The following ZNF385D variants were observed in gnomAD, a reference collection of about 807,000 sequenced individuals.
ZNF385D encodes zinc finger protein 385D, also known as zinc finger protein 659.
In ZNF385D, 15 loss-of-function variants were observed where a neutral mutation model predicts 35.8. The observed-to-expected ratio is 0.42, with a 90% CI of 0.28 to 0.64. The LOEUF is 0.64. ZNF385D is among the 30% of genes least tolerant of loss of function. The pLI is 0.23. For missense variants in ZNF385D, 474 were observed against 494.6 expected (o/e 0.96, Z 0.39); for synonymous variants, 212 against 186.8 (o/e 1.13, Z -1.10).
chr3:22,239,327 G>A (rs996173787), intron 2 of ZNF385D, among the ~76,000 whole-genome samples: 1 of 150,938 alleles, frequency 6.6e-6, no homozygotes, highest in Non-Finnish European at 1.5e-5. Context: ...TTACAACAGA[G>A]ACTCTATGGC....
chr3:22,125,111 G>T (rs57587134), intron 3 of ZNF385D, among the ~76,000 whole-genome samples: 2 of 152,058 alleles, frequency 1.3e-5, no homozygotes, highest in South Asian at 4.1e-4. Context: ...AAAGATAGCA[G>T]CTAGTCCCAT....
intron 3 of ZNF385D, among the ~76,000 whole-genome samples, chr3:22,046,020 A>G (rs1308799185): frequency 6.6e-6 from 1 of 152,116 alleles, no homozygotes; most frequent in Non-Finnish European, 1.5e-5. Context: ...ACATTACTGA[A>G]CAAGCACTTG....
intron 3 of ZNF385D, among the ~76,000 whole-genome samples, chr3:21,763,007 A>ACC (rs2070686090): frequency 6.6e-6 from 1 of 152,164 alleles, no homozygotes; most frequent in Non-Finnish European, 1.5e-5. Context: ...TGACACTGTC[A>ACC]TTGAGTAGGT....
At chr3:21,845,335 T>C (rs1167161349) in intron 3 of ZNF385D, among the ~76,000 whole-genome samples, 1 of 151,992 alleles carries the variant, frequency 6.6e-6, no homozygotes, top group Non-Finnish European at 1.5e-5. Context: ...ATGATAATTT[T>C]GGTTGTAGCA....
At chr3:21,781,932 C>A (rs987503506) in intron 3 of ZNF385D, among the ~76,000 whole-genome samples, 1 of 152,000 alleles carries the variant, frequency 6.6e-6, no homozygotes, top group South Asian at 2.1e-4. Flanking sequence ...GAACAACTAG[C>A]AACTTTCATC....
chr3:21,980,346 CTG>C (rs906880464), intron 3 of ZNF385D, among the ~76,000 whole-genome samples: 3 of 152,102 alleles, frequency 2.0e-5, no homozygotes, highest in African/African-American at 7.2e-5. Context: ...CTCATGGAAA[CTG>C]TGACATAAAT....
chr3:21,491,309 C>A lies in ZNF385D; in HGVS notation c.439+19552G>T, dbSNP rs1705407475. ...TTAATTTTCTTCATCTGTCAAGTAA[C>A]AAATCATAGGGAGGATGATCAATAA... On this transcript the variant is annotated intron_variant, in intron 4 of 7. Coordinates refer to ENST00000281523, the MANE Select transcript of ZNF385D (RefSeq NM_024697.3). Among the ~76,000 whole-genome samples, 3 of 151,618 alleles carry A rather than the reference C, an allele frequency of 2.0e-5. No homozygotes were observed. The South Asian group carries it at 6.2e-4, about 32-fold the overall frequency.
chr3:22,049,222 G>A (rs1331483781), intron 3 of ZNF385D, among the ~76,000 whole-genome samples: 1 of 151,776 alleles, frequency 6.6e-6, no homozygotes, highest in Non-Finnish European at 1.5e-5. Context: ...CTTGAACCTG[G>A]GAGGCAGAGG....
intron 2 of ZNF385D, among the ~76,000 whole-genome samples, chr3:21,626,718 T>C (rs566431550): frequency 6.6e-6 from 1 of 152,244 alleles, no homozygotes; most frequent in East Asian, 1.9e-4. Context: ...AGTGCAAAGA[T>C]GGAACCTGAG....
chr3:22,274,887 A>G (rs1423991179), intron 2 of ZNF385D, among the ~76,000 whole-genome samples: 7 of 151,954 alleles, frequency 4.6e-5, no homozygotes, highest in Non-Finnish European at 8.8e-5. Context: ...TAGCAACAAT[A>G]TAATCAAAGT....
At chr3:22,127,316 G>GTTTT (rs1559389409) in intron 3 of ZNF385D, among the ~76,000 whole-genome samples, 1 of 76,050 alleles carries the variant, frequency 1.3e-5, no homozygotes, top group African/African-American at 5.4e-5. Context: ...TTCATTTCCT[G>GTTTT]CTTTTTTTTT....
At position 22,277,783 on chromosome 3, in the gene ZNF385D, T is replaced by C. The variant is rs761643657; in HGVS notation, c.106+94667A>G. ...AGCTCAGGTTACGGCTCTCTGAAGA[T>C]ATGGCATTTTGGCTGAGTCCTAAAG... On this transcript the variant is annotated intron_variant, in intron 2 of 5. Coordinates refer to the ZNF385D transcript ENST00000494108. Among the ~76,000 whole-genome samples, 38 of 152,216 alleles carry C rather than the reference T, an allele frequency of 2.5e-4. 1 individual carries two copies. Among genetic ancestry groups the C allele is most frequent in the Non-Finnish European group, 4.4e-4 (30 of 68,004 alleles).
chr3:21,797,327 C>G (rs1229023309), intron 3 of ZNF385D, among the ~76,000 whole-genome samples: 1 of 152,130 alleles, frequency 6.6e-6, no homozygotes, highest in East Asian at 1.9e-4. Flanking sequence ...AAATCCAGAA[C>G]ACTAACAACA....
intron 2 of ZNF385D, among the ~76,000 whole-genome samples, chr3:22,173,656 A>G (rs1694619298): frequency 6.6e-6 from 1 of 152,126 alleles, no homozygotes; most frequent in Non-Finnish European, 1.5e-5. Context: ...TTGAAGAATG[A>G]GGGAAACATT....
chr3:21,751,468 A>G, upstream of ZNF385D: 3 of 985,750 alleles, frequency 3.0e-6, no homozygotes, highest in Non-Finnish European at 2.4e-6. Context: ...GAGTTCTGCC[A>G]TTAACGTGTA....
chr3:22,115,774 T>G (rs1044733304), intron 3 of ZNF385D, among the ~76,000 whole-genome samples: 1 of 152,140 alleles, frequency 6.6e-6, no homozygotes, highest in Admixed American at 6.6e-5. Context: ...ATATGACCTC[T>G]GAAGCACTTT....
intron 3 of ZNF385D, among the ~76,000 whole-genome samples, chr3:21,848,762 A>G (rs865985255): frequency 1.3e-5 from 2 of 152,084 alleles, no homozygotes; most frequent in African/African-American, 4.8e-5. Flanking sequence ...CCAACAAAGA[A>G]AAGTCCAGGA....
chr3:22,337,437 G>T (rs960140894), intron 2 of ZNF385D, among the ~76,000 whole-genome samples: 1 of 152,120 alleles, frequency 6.6e-6, no homozygotes, highest in South Asian at 2.1e-4. Context: ...AAGAGGCAGA[G>T]GAGGGAGAAT....
intron 3 of ZNF385D, among the ~76,000 whole-genome samples, chr3:22,018,268 CTT>C (rs1327842351): frequency 1.3e-5 from 2 of 151,294 alleles, no homozygotes; most frequent in Admixed American, 1.3e-4. Context: ...TCGAAAATAA[CTT>C]GTCATTTAAA....
Sources: gnomAD v4.1 joint callset for allele counts (sites outside exome capture counted in the v4.1 genomes callset) on GRCh38, gnomAD v4.1.1 for gene constraint, MANE v1.5 for transcripts, NCBI Gene and HGNC (gene_info 2026-07-23, HGNC 2026-07-21) for gene names.